The following ACTR3C variants were observed in gnomAD, a reference collection of about 807,000 sequenced individuals.
The protein encoded by ACTR3C is actin-related protein 3C.
In ACTR3C, 18 loss-of-function variants were observed where a neutral mutation model predicts 26.3. The observed-to-expected ratio is 0.68, with a 90% CI of 0.47 to 1.01. The LOEUF is 1.01. Ranked by LOEUF, ACTR3C falls within the 50% of genes least tolerant of loss-of-function variation. The pLI is 0.00. For synonymous variants in ACTR3C, 55 were observed against 94.5 expected (o/e 0.58, Z 2.42); for missense variants, 184 against 250.7 (o/e 0.73, Z 1.80).
the ACTR3C span, among the ~76,000 whole-genome samples, chr7:150,158,791 T>A: frequency 2.0e-5 from 3 of 151,748 alleles, no homozygotes; most frequent in Non-Finnish European, 4.4e-5. Flanking sequence ...TCATCACACA[T>A]ACACACACAC....
At chr7:149,959,933 G>A in the ACTR3C span, among the ~76,000 whole-genome samples, 2 of 152,116 alleles carry the variant, frequency 1.3e-5, no homozygotes, top group Admixed American at 6.5e-5. Flanking sequence ...TTTTCACTGA[G>A]CACACAGTCC....
chr7:150,323,258 C>T (rs749535653), intron 1 of ACTR3C: 1 of 246,846 alleles, frequency 4.1e-6, no homozygotes, highest in Non-Finnish European at 8.1e-6. Flanking sequence ...CGCGCGAAGA[C>T]CCCCGCAGGC....
the ACTR3C span, among the ~76,000 whole-genome samples, chr7:150,043,467 A>T: frequency 6.6e-6 from 1 of 152,248 alleles, no homozygotes; most frequent in Non-Finnish European, 1.5e-5. Context: ...CTAGCTGGGC[A>T]GTTGCTGCCA....
At chr7:149,929,793 A>C in the ACTR3C span, among the ~76,000 whole-genome samples, 2 of 152,276 alleles carry the variant, frequency 1.3e-5, no homozygotes, top group East Asian at 3.9e-4. Context: ...AGCCTCCCAA[A>C]GTGCTGGGAT....
chr7:149,920,455 C>T, the ACTR3C span, among the ~76,000 whole-genome samples: 1 of 151,712 alleles, frequency 6.6e-6, no homozygotes, highest in African/African-American at 2.4e-5. Context: ...CACAGGCACG[C>T]ATCACCACAC....
chr7:150,265,032 T>C (rs1332012284), intron 6 of ACTR3C, among the ~76,000 whole-genome samples: 1 of 152,052 alleles, frequency 6.6e-6, no homozygotes, highest in African/African-American at 2.4e-5. Flanking sequence ...TTTTTACCAC[T>C]GTAATCAAAC....
At chr7:150,264,591 T>C (rs1833887361) in intron 6 of ACTR3C, 1 of 975,728 alleles carries the variant, frequency 1.0e-6, no homozygotes, top group Non-Finnish European at 1.2e-6. Context: ...GCATATACTG[T>C]ATATAAATGT....
the ACTR3C span, among the ~76,000 whole-genome samples, chr7:150,140,244 A>C: frequency 2.0e-5 from 3 of 152,358 alleles, no homozygotes; most frequent in East Asian, 5.8e-4. Flanking sequence ...AGGAAGGTGA[A>C]GAGCGCATTC....
At chr7:150,070,642 G>T in the ACTR3C span, among the ~76,000 whole-genome samples, 2 of 150,678 alleles carry the variant, frequency 1.3e-5, no homozygotes, top group African/African-American at 2.5e-5. Context: ...GTAGAGATGG[G>T]GTTTTGCCAT....
chr7:150,196,111 ACTT>A, the ACTR3C span, among the ~76,000 whole-genome samples: 1 of 152,188 alleles, frequency 6.6e-6, no homozygotes, highest in Non-Finnish European at 1.5e-5. Flanking sequence ...GTATTCTTGA[ACTT>A]CTCAGATCCA....
the ACTR3C span, among the ~76,000 whole-genome samples, chr7:149,984,527 T>C: frequency 6.6e-6 from 1 of 151,132 alleles, no homozygotes; most frequent in South Asian, 2.1e-4. Flanking sequence ...TGTTGATGCA[T>C]TCCTTGCTAC....
chr7:150,000,137 C>T, the ACTR3C span, among the ~76,000 whole-genome samples: 2 of 151,850 alleles, frequency 1.3e-5, no homozygotes, highest in East Asian at 1.9e-4. Flanking sequence ...ACTGTTTTCA[C>T]TTAATGTTGT....
the ACTR3C span, among the ~76,000 whole-genome samples, chr7:149,952,988 T>C: frequency 1.3e-5 from 2 of 152,122 alleles, no homozygotes; most frequent in East Asian, 1.9e-4. Context: ...AATTATTTAA[T>C]GAATGTACAA....
At chr7:150,153,257 A>G in the ACTR3C span, among the ~76,000 whole-genome samples, 1 of 152,178 alleles carries the variant, frequency 6.6e-6, no homozygotes, top group Non-Finnish European at 1.5e-5. Context: ...CTGCACAGCA[A>G]AAGAAACTAC....
chr7:150,042,426 T>C, the ACTR3C span, among the ~76,000 whole-genome samples: 1 of 144,130 alleles, frequency 6.9e-6, no homozygotes, highest in Non-Finnish European at 1.5e-5. Context: ...TCGCGAGGGG[T>C]GCCTCCTCCC....
chr7:150,119,392 A>T, the ACTR3C span, among the ~76,000 whole-genome samples: 891 of 152,306 alleles, frequency 5.9e-3, 14 homozygotes, highest in African/African-American at 0.021. Context: ...GATGGAGGAA[A>T]ATTAACCAAG....
the ACTR3C span, among the ~76,000 whole-genome samples, chr7:150,037,636 G>C: frequency 1.0e-5 from 1 of 99,400 alleles, no homozygotes; most frequent in Non-Finnish European, 2.1e-5. Context: ...CGGAAGATTT[G>C]AACTTTCTAC....
intron 6 of ACTR3C, among the ~76,000 whole-genome samples, chr7:150,271,435 G>A (rs1834442826): frequency 6.6e-6 from 1 of 151,352 alleles, no homozygotes; most frequent in Non-Finnish European, 1.5e-5. Context: ...AACCTGCAGT[G>A]TTTGGTTTTC....
chr7:149,996,465 G>C, the ACTR3C span, among the ~76,000 whole-genome samples: 1 of 149,914 alleles, frequency 6.7e-6, no homozygotes, highest in Non-Finnish European at 1.5e-5. Context: ...AACAGGCAAA[G>C]ACAAACAGGC....
Sources: gnomAD v4.1 joint callset for allele counts (sites outside exome capture counted in the v4.1 genomes callset) on GRCh38, gnomAD v4.1.1 for gene constraint, MANE v1.5 for transcripts, NCBI Gene and HGNC (gene_info 2026-07-23, HGNC 2026-07-21) for gene names.